CACNA1I: variants seen among roughly 807,000 people sequenced by gnomAD.
CACNA1I encodes voltage-dependent T-type calcium channel subunit alpha-1I.
CACNA1I carries 74 observed loss-of-function variants against 201.6 expected under a neutral mutation model. The ratio of observed to expected loss-of-function variants is 0.37; its 90% CI spans 0.30 to 0.45. CACNA1I has a LOEUF of 0.45. Ranked by LOEUF, CACNA1I falls within the 20% of genes least tolerant of loss-of-function variation. CACNA1I has a pLI of 1.00. For synonymous variants in CACNA1I, 1,431 were observed against 1,345.2 expected (o/e 1.06, Z -1.40); for missense variants, 2,346 against 3,138.1 (o/e 0.75, Z 6.03).
chr22:39,605,874 G>C lies in CACNA1I; in HGVS notation c.482+5221G>C, dbSNP rs143181308. Among the ~76,000 whole-genome samples, 524 of 152,262 alleles carry C rather than the reference G, an allele frequency of 3.4e-3. 4 individuals are homozygous for C. The highest frequency in any genetic ancestry group is 0.012 in the African/African-American group (506 of 41,554). ...AAGGGAAAGGTGAGTGACAGGGGAT[G>C]CTGGAGCCCAGGGTTTCTGGGGGGT... On this transcript the variant is annotated intron_variant, in intron 3 of 36. Coordinates refer to ENST00000402142, the MANE Select transcript of CACNA1I (RefSeq NM_021096.4).
In CACNA1I at chr22:39,670,026, A is replaced by G. The variant is rs1601519439; in HGVS notation, c.4195-12A>G. ...CAATCAGCCTCCTCAGCCCTTTCTG[A>G]CTCCCCTGCAGCCTGTGACCAACCA... On this transcript the variant is annotated splice_polypyrimidine_tract_variant and intron_variant, in intron 24 of 36. Transcript: ENST00000402142. The G allele has an allele frequency of 6.2e-7, 1 of 1,611,294 alleles. No individual in the cohort carries two copies. Among genetic ancestry groups the G allele is most frequent in the Admixed American group, 1.7e-5 (1 of 59,944 alleles).
At chr22:39,622,824 C>T (rs1601469750) in intron 4 of CACNA1I, among the ~76,000 whole-genome samples, 1 of 151,976 alleles carries the variant, frequency 6.6e-6, no homozygotes, top group African/African-American at 2.4e-5. Flanking sequence ...CACAGAGGGC[C>T]ACGTCGCTCC....
chr22:39,646,241 CCT>C lies in CACNA1I; in HGVS notation c.1150-327_1150-326del, dbSNP rs572554117. Among the ~76,000 whole-genome samples, 22 of 152,160 alleles carry C rather than the reference CCT, an allele frequency of 1.4e-4. No homozygotes were observed. The South Asian group carries it at 4.6e-3, about 32-fold the overall frequency. ...TCCACCTCCCCTGCCCTTTTCTTTC[CCT>C]GTTTCCACTCGTCCCCTGCATCTCC... On this transcript the variant is annotated intron_variant, in intron 7 of 36. Transcript: ENST00000402142.
Position 39,679,801 on chromosome 22 carries a change from C to T in CACNA1I, c.5474C>T (p.Ser1825Leu), listed in dbSNP as rs1299000990. 1.2e-6 allele frequency: 2 copies of T among 1,612,948 alleles called. No individual in the cohort carries two copies. The highest frequency in any genetic ancestry group is 1.7e-6 in the Non-Finnish European group (2 of 1,179,550). Residue 1825 changes from serine (S) to leucine (L), a missense_variant, in exon 33 of 37, where the codon TCG becomes TTG. By Grantham distance (145) the Ser-to-Leu change is moderately radical. This residue lies in a region of CACNA1I where 441 missense variants were observed against 555.6 expected (regional missense o/e 0.79). Transcript: ENST00000402142. ...EGELTIIDNL[S>L]GSIFHHYSSP... is the part of the protein sequence containing the mutation. ...GAGCTGACCATCATCGACAACCTGT[C>T]GGGCTCCATCTTCCACCACTACTCC...
In CACNA1I at chr22:39,682,437, C is replaced by T. The variant is rs946587858; in HGVS notation, c.5665-59C>T. On this transcript the variant is annotated intron_variant, in intron 34 of 36. Transcript: ENST00000402142. ...GGGCCGTGGAGCAGGTCATGAGGTA[C>T]CCTTCATGAGCTGTCCCCCTTCCCA... The T allele has an allele frequency of 3.5e-6, 5 of 1,442,482 alleles. No individual in the cohort carries two copies. The African/African-American group carries it at 4.2e-5, about 12-fold the overall frequency. The allele number at this position is 1,442,482 out of a possible 1,614,324, so 89.4% of individuals were successfully genotyped here.
At chr22:39,580,931 C>T (rs949017497) in intron 1 of CACNA1I, among the ~76,000 whole-genome samples, 5 of 152,184 alleles carry the variant, frequency 3.3e-5, no homozygotes, top group African/African-American at 1.2e-4. Context: ...TGAGTGGAGG[C>T]GCCCCCAGGC....
In CACNA1I at chr22:39,670,192, A is replaced by G; in HGVS notation, c.4349A>G (p.Glu1450Gly). ...GAGGCTGAAGAGGCACGGCGGCGTG[A>G]GGAGAAGCGGCTGCGGCGCCTGGAG... Reference protein sequence around the residue: ...HQEAEEARRREEKRLRRLEKK... With the variant: ...HQEAEEARRRGEKRLRRLEKK... The change falls in exon 25 of 37, where the codon GAG (glutamate) becomes GGG (glycine). Residue 1450 changes from glutamate (E) to glycine (G), a missense_variant. Around this residue, in one of 13 missense-constraint regions of CACNA1I, gnomAD observed 228 missense variants for 395.7 expected, o/e 0.58. Coordinates refer to ENST00000402142, the MANE Select transcript of CACNA1I (RefSeq NM_021096.4). 2.5e-6 allele frequency: 4 copies of G among 1,613,850 alleles called. No individual in the cohort carries two copies. Among genetic ancestry groups the G allele is most frequent in the Non-Finnish European group, 3.4e-6 (4 of 1,179,848 alleles).
chr22:39,603,151 C>T, intron 3 of CACNA1I, among the ~76,000 whole-genome samples: 1 of 132,526 alleles, frequency 7.5e-6, no homozygotes, highest in East Asian at 2.4e-4. Flanking sequence ...AAGACCCTGT[C>T]AAAAAAAAAA....
At chr22:39,592,729 G>A (rs1379154951) in intron 1 of CACNA1I, among the ~76,000 whole-genome samples, 2 of 152,310 alleles carry the variant, frequency 1.3e-5, no homozygotes, top group East Asian at 3.9e-4. Context: ...CTTCCCTCAG[G>A]TTGTCCCCGA....
At position 39,626,713 on chromosome 22, in the gene CACNA1I, C is replaced by T. The variant is rs1479933790; in HGVS notation, c.580+7306C>T. ...CTGGGTTCAAGCGATTCTCCTGCCT[C>T]AGCCTCCTGAGTAGCTGGGACTACA... On this transcript the variant is annotated intron_variant, in intron 4 of 36. Transcript: ENST00000402142. Among the ~76,000 whole-genome samples the T allele has an allele frequency of 6.6e-5, 10 of 152,260 alleles. No individual in the cohort carries two copies. The East Asian group carries it at 1.9e-3, about 29-fold the overall frequency.
In CACNA1I at chr22:39,659,012, G is replaced by T; in HGVS notation, c.2226G>T (p.Val742=). Residue 742 remains valine (V), a synonymous_variant, in exon 12 of 37, where the codon GTG becomes GTT. Coordinates refer to ENST00000402142, the MANE Select transcript of CACNA1I (RefSeq NM_021096.4). The surrounding 1 kb of genome is among the most constrained non-coding windows in gnomAD (Gnocchi z 4.3). The part of the protein sequence containing the change: ...TFRLLRVLKL[V]RFMPALRRQL... Reference sequence around the variant, plus strand: ...GGCTGCTGCGCGTGCTGAAACTGGTGCGCTTCATGCCTGCCCTGCGGCGCC... The same window carrying T: ...GGCTGCTGCGCGTGCTGAAACTGGTTCGCTTCATGCCTGCCCTGCGGCGCC... The T allele has an allele frequency of 6.2e-7, 1 of 1,612,032 alleles. No individual in the cohort carries two copies. Among genetic ancestry groups the T allele is most frequent in the Non-Finnish European group, 8.5e-7 (1 of 1,179,396 alleles).
chr22:39,594,831 C>G (rs1261969826), intron 1 of CACNA1I, among the ~76,000 whole-genome samples: 1 of 152,120 alleles, frequency 6.6e-6, no homozygotes, highest in Non-Finnish European at 1.5e-5. Flanking sequence ...GTAGCACCCC[C>G]CCTTACCCAC....
intron 1 of CACNA1I, among the ~76,000 whole-genome samples, chr22:39,579,336 T>C (rs1384172168): frequency 6.6e-6 from 1 of 152,174 alleles, no homozygotes; most frequent in Non-Finnish European, 1.5e-5. Flanking sequence ...GGCCACACAC[T>C]GAGTCATCAG....
chr22:39,658,260 C>T lies in CACNA1I; in HGVS notation c.2101C>T (p.Arg701Cys), dbSNP rs1275695616. The change falls in exon 11 of 37, where the codon CGT (arginine) becomes TGT (cysteine). Residue 701 changes from arginine (R) to cysteine (C), a missense_variant. Around this residue, in one of 13 missense-constraint regions of CACNA1I, gnomAD observed 155 missense variants for 300.8 expected, o/e 0.52. Transcript: ENST00000402142. ...TGCATTTGGGCTCTTCGACTACCTG[C>T]GTAACCCCTACAACATCTTCGACAG... ...LAAFGLFDYL[R>C]NPYNIFDSII... The T allele has an allele frequency of 3.7e-6, 6 of 1,613,840 alleles. No individual in the cohort carries two copies. Among genetic ancestry groups the T allele is most frequent in the Non-Finnish European group, 5.1e-6 (6 of 1,179,880 alleles).
intron 4 of CACNA1I, among the ~76,000 whole-genome samples, chr22:39,624,621 T>C (rs2146400049): frequency 6.6e-6 from 1 of 152,334 alleles, no homozygotes; most frequent in African/African-American, 2.4e-5. Context: ...CACAGGCGAT[T>C]CTGCGGGAGC....
chr22:39,681,890 C>T (rs1052768550), intron 34 of CACNA1I, among the ~76,000 whole-genome samples: 6 of 152,152 alleles, frequency 3.9e-5, no homozygotes, highest in African/African-American at 1.2e-4. Flanking sequence ...TGCAGCTCCC[C>T]GCACCCCTAC....
intron 23 of CACNA1I, among the ~76,000 whole-genome samples, chr22:39,668,065 G>T (rs991292125): frequency 6.6e-6 from 1 of 152,110 alleles, no homozygotes; most frequent in Non-Finnish European, 1.5e-5. Context: ...CAGGACCGTG[G>T]GTCCAGCACT....
chr22:39,660,926 G>A (rs1934986163), intron 15 of CACNA1I, among the ~76,000 whole-genome samples, 182 bp from the exon 16 acceptor site: 1 of 152,168 alleles, frequency 6.6e-6, no homozygotes, highest in Admixed American at 6.5e-5. Flanking sequence ...AGCCCTGCAG[G>A]TGGGGCGAAG....
intron 35 of CACNA1I, 49 bp downstream of exon 35, chr22:39,682,710 T>G (rs1043704073): frequency 6.5e-7 from 1 of 1,549,262 alleles, no homozygotes; most frequent in Non-Finnish European, 8.8e-7. Flanking sequence ...ATCTTGGGCA[T>G]CTGCTTCAGA....
Sources: allele counts gnomAD v4.1 joint callset (sites outside exome capture counted in the v4.1 genomes callset), GRCh38; gene constraint gnomAD v4.1.1; regional missense constraint gnomAD v4.1.1; non-coding constraint Gnocchi (gnomAD v3.1); transcripts MANE v1.5; gene names NCBI Gene and HGNC (gene_info 2026-07-23, HGNC 2026-07-21).